Variants in TSPEAR observed in about 807,000 individuals in gnomAD.
TSPEAR encodes the protein thrombospondin type laminin G domain and EAR repeats, also known as thrombospondin-type laminin G domain and EAR repeat-containing protein.
TSPEAR carries 69 observed loss-of-function variants against 71.6 expected under a neutral mutation model. That is an observed-to-expected ratio of 0.96 (90% CI 0.79 to 1.18). TSPEAR has a LOEUF of 1.18. Ranked by LOEUF, TSPEAR falls within the 50% of genes most tolerant of loss-of-function variation. TSPEAR has a pLI of 0.00. For missense variants in TSPEAR, 971 were observed against 894.9 expected, an observed-to-expected ratio of 1.09 and a Z score of -1.09; for synonymous variants, 402 against 387.2, an observed-to-expected ratio of 1.04 and a Z score of -0.45.
chr21:44,702,666 C>T, intron 1 of TSPEAR: 1 of 1,569,876 alleles, frequency 6.4e-7, no homozygotes, highest in Admixed American at 1.7e-5. Context: ...TGCCCGTCCC[C>T]TCCTGTTGTG....
chr21:44,707,302 T>TCG (rs1555952602), intron 1 of TSPEAR, among the ~76,000 whole-genome samples: 2 of 135,858 alleles, frequency 1.5e-5, no homozygotes, highest in African/African-American at 5.6e-5. Flanking sequence ...GGACGCGGGG[T>TCG]GGGGGGGGGT....
At position 44,531,079 on chromosome 21, in the gene TSPEAR, G is replaced by A. The variant is rs377364549; in HGVS notation, c.597C>T (p.Phe199=). The A allele has an allele frequency of 1.9e-5, 31 of 1,613,632 alleles. No homozygotes were observed. Among genetic ancestry groups the A allele is most frequent in the Admixed American group, 3.3e-5 (2 of 59,998 alleles). The stretch of plus-strand genomic sequence containing the variant: ...CTTTGGCTCTCCTCCGGCTGCCGAC[G>A]AAGAATCGAGCTCCTTTCACTGACA... ...ATLSVKGARF[F]VGSRRRAKGL... is the part of the protein sequence containing the mutation. The change falls in exon 4 of 12, where the codon TTC becomes TTT. Residue 199 remains phenylalanine, a synonymous_variant. Transcript: ENST00000323084.
chr21:44,671,933 A>G (rs1033687289), intron 1 of TSPEAR, among the ~76,000 whole-genome samples: 1 of 152,196 alleles, frequency 6.6e-6, no homozygotes, highest in South Asian at 2.1e-4. Context: ...GATAACATGG[A>G]TAAACTATAC....
intron 1 of TSPEAR, among the ~76,000 whole-genome samples, chr21:44,688,690 C>G (rs1411853646): frequency 2.0e-5 from 3 of 151,970 alleles, no homozygotes; most frequent in African/African-American, 4.8e-5. Context: ...GCCTGGGCAA[C>G]AGAGCCAGAC....
rs1980437877 is a variant in TSPEAR at position 44,597,432 on chromosome 21, C to CTTTCTTTT, written c.83-29428_83-29427insAAAAGAAA. Among the ~76,000 whole-genome samples, 182 of 130,554 alleles carry CTTTCTTTT rather than the reference C, an allele frequency of 1.4e-3. 1 individual carries two copies. The highest frequency in any genetic ancestry group is 5.6e-3 in the African/African-American group (171 of 30,566). 85.6% of individuals were successfully genotyped at this position (130,554 alleles called of 152,430 possible). On this transcript the variant is annotated intron_variant, in intron 1 of 11. Transcript: ENST00000323084. Reference sequence around the variant, plus strand: ...GTGCTCTTTTTCTTTTTCTTTCTTTCTTTTCTTTTTTTTTTTTTTGATGGA... The same window carrying CTTTCTTTT: ...GTGCTCTTTTTCTTTTTCTTTCTTTCTTTCTTTTTTTTCTTTTTTTTTTTTTTGATGGA...
intron 1 of TSPEAR, among the ~76,000 whole-genome samples, chr21:44,582,699 G>A (rs1232976373): frequency 6.6e-6 from 1 of 152,174 alleles, no homozygotes; most frequent in Non-Finnish European, 1.5e-5. Context: ...CACGCCCTGC[G>A]CTCAGTGGAG....
At chr21:44,542,624 G>A (rs1435702960) in intron 2 of TSPEAR, among the ~76,000 whole-genome samples, 1 of 151,556 alleles carries the variant, frequency 6.6e-6, no homozygotes, top group Non-Finnish European at 1.5e-5. Context: ...TGGTACATTT[G>A]TAGTCCCAGC....
intron 3 of TSPEAR, among the ~76,000 whole-genome samples, chr21:44,531,939 G>A (rs1329048864): frequency 2.6e-5 from 4 of 152,218 alleles, no homozygotes; most frequent in East Asian, 1.9e-4. Context: ...TCCCGCCCAC[G>A]CTGCCACTGT....
intron 7 of TSPEAR, 78 bp from the exon 8 acceptor site, chr21:44,525,917 A>T: frequency 7.1e-7 from 1 of 1,403,972 alleles, no homozygotes; most frequent in South Asian, 1.2e-5. Flanking sequence ...GCTTCTGAAC[A>T]TCAGCATCTC....
chr21:44,596,717 T>C (rs782082062), intron 1 of TSPEAR, among the ~76,000 whole-genome samples: 37 of 152,246 alleles, frequency 2.4e-4, no homozygotes, highest in Non-Finnish European at 4.4e-4. Context: ...TGATATCATA[T>C]GGCCATTAAA....
chr21:44,536,609 G>A (rs1371385609), intron 2 of TSPEAR, among the ~76,000 whole-genome samples: 1 of 152,178 alleles, frequency 6.6e-6, no homozygotes, highest in Non-Finnish European at 1.5e-5. Context: ...AACCTTTGAC[G>A]CTTTCTCATG....
intron 1 of TSPEAR, among the ~76,000 whole-genome samples, chr21:44,706,992 C>T (rs1987958060): frequency 6.6e-6 from 1 of 152,238 alleles, no homozygotes; most frequent in Admixed American, 6.5e-5. Context: ...GGGAAGCACC[C>T]GCTTTCACGT....
intron 1 of TSPEAR, among the ~76,000 whole-genome samples, chr21:44,609,231 G>C (rs1175784629): frequency 6.6e-6 from 1 of 152,176 alleles, no homozygotes; most frequent in Non-Finnish European, 1.5e-5. Context: ...TAGGACTCTG[G>C]TAATGTTCCA....
rs144152453 is a variant in TSPEAR at position 44,676,413 on chromosome 21, T to A, written c.82+35020A>T. On this transcript the variant is annotated intron_variant, in intron 1 of 11. Coordinates refer to ENST00000323084, the MANE Select transcript of TSPEAR (RefSeq NM_144991.3). ...CAGATGAGGTCTTCATGCTGTACTT[T>A]AATGCCTCCACTGAAAGCCAGAGTT... 3,605 of 1,147,408 alleles carry A rather than the reference T, an allele frequency of 3.1e-3. 17 individuals are homozygous for A. The highest frequency in any genetic ancestry group is 4.0e-3 in the Non-Finnish European group (3,020 of 763,224). The allele number at this position is 1,147,408 out of a possible 1,614,324, so 71.1% of individuals were successfully genotyped here.
At chr21:44,648,156 G>A (rs781868686) in intron 1 of TSPEAR, among the ~76,000 whole-genome samples, 12 of 152,208 alleles carry the variant, frequency 7.9e-5, no homozygotes, top group East Asian at 1.9e-4. Context: ...TTACTCAGAC[G>A]TCACTCATCC....
At position 44,525,708 on chromosome 21, in the gene TSPEAR, C is replaced by T. The variant is rs782552484; in HGVS notation, c.1281G>A (p.Trp427Ter). ...GCTCCCCATCCACCTCGAAGGCCTC[C>T]CAGTCTCGGGCGCTGTGTGTGGCAA... ...QSIATHSARDWEAFEVDGEHF... is the reference protein window; with the variant it reads ...QSIATHSARD The change falls in exon 8 of 12, where the codon TGG (tryptophan) becomes TGA (stop). Residue 427 changes from tryptophan (W) to a stop codon, truncating the protein, a stop_gained. Transcript: ENST00000323084. LOFTEE classifies it high-confidence loss of function. 39 of 1,614,090 alleles carry T rather than the reference C, an allele frequency of 2.4e-5. No individual in the cohort carries two copies. The highest frequency in any genetic ancestry group is 3.1e-5 in the Non-Finnish European group (36 of 1,180,054).
Position 44,711,309 on chromosome 21 carries a change from C to T in TSPEAR, c.82+124G>A. 1.1e-6 allele frequency: 1 copy of T among 871,612 alleles called. No individual in the cohort carries two copies. Among genetic ancestry groups the T allele is most frequent in the South Asian group, 1.7e-5 (1 of 59,076 alleles). The allele number at this position is 871,612 out of a possible 1,614,324, so 54.0% of individuals were successfully genotyped here. A position where few individuals can be genotyped will look rare whatever the true frequency, so the allele number is the denominator to read the frequency against. On this transcript the variant is annotated intron_variant, in intron 1 of 11. Coordinates refer to ENST00000323084, the MANE Select transcript of TSPEAR (RefSeq NM_144991.3). The surrounding 1 kb of genome is among the most constrained non-coding windows in gnomAD (Gnocchi z 4.5). Reference sequence around the variant, plus strand: ...TCTCCACAGGGTGCTACCTGCCAGTCCTGCCAAAGCGTCCTCGGGCACCGC... The same window carrying T: ...TCTCCACAGGGTGCTACCTGCCAGTTCTGCCAAAGCGTCCTCGGGCACCGC...
intron 4 of TSPEAR, among the ~76,000 whole-genome samples, chr21:44,530,581 A>G (rs2052949190): frequency 6.6e-6 from 1 of 152,224 alleles, no homozygotes; most frequent in African/African-American, 2.4e-5. Context: ...CAAACCATGC[A>G]TCAATAAATA....
chr21:44,551,186 G>A (rs781847897), intron 2 of TSPEAR: 2 of 1,596,068 alleles, frequency 1.3e-6, no homozygotes, highest in African/African-American at 1.3e-5. Context: ...AGGGGGAGGA[G>A]GTGCAGCAAG....
Sources: gnomAD v4.1 joint callset for allele counts (sites outside exome capture counted in the v4.1 genomes callset) on GRCh38, gnomAD v4.1.1 for gene constraint, Gnocchi (gnomAD v3.1) non-coding constraint, MANE v1.5 for transcripts, NCBI Gene and HGNC (gene_info 2026-07-23, HGNC 2026-07-21) for gene names.